Variants in PEX5L observed in about 807,000 individuals in gnomAD.
The protein encoded by PEX5L is peroxisomal biogenesis factor 5 like.
Under a neutral mutation model 84.0 loss-of-function variants are expected in PEX5L, and 30 were observed. The ratio of observed to expected loss-of-function variants is 0.36; its 90% confidence interval spans 0.27 to 0.48. The LOEUF (loss-of-function observed/expected upper bound fraction) is 0.48. PEX5L is among the 20% of genes least tolerant of loss of function. The pLI, the probability that PEX5L is intolerant of heterozygous loss-of-function variation, is 0.99. For missense variants in PEX5L, 533 were observed against 754.6 expected (o/e 0.71, Z 3.44); for synonymous variants, 270 against 283.1 (o/e 0.95, Z 0.46).
chr3:179,941,818 C>T (rs1480743170), intron 2 of PEX5L, among the ~76,000 whole-genome samples: 10 of 151,816 alleles, frequency 6.6e-5, no homozygotes, highest in African/African-American at 1.9e-4. Context: ...GTCAGGAGTT[C>T]GAGACCAGCC....
At chr3:179,909,695 G>A (rs1445401520) in intron 2 of PEX5L, among the ~76,000 whole-genome samples, 1 of 152,146 alleles carries the variant, frequency 6.6e-6, no homozygotes, top group African/African-American at 2.4e-5. Flanking sequence ...TTGGAAACAG[G>A]GTTGTTAAAG....
intron 1 of PEX5L, among the ~76,000 whole-genome samples, chr3:180,001,429 C>A (rs1438801741): frequency 1.3e-5 from 2 of 150,368 alleles, no homozygotes; most frequent in Non-Finnish European, 3.0e-5. Flanking sequence ...TATACACCCA[C>A]CGTCTCTCTG....
At chr3:179,928,181 A>G (rs1336850976) in intron 2 of PEX5L, among the ~76,000 whole-genome samples, 2 of 152,342 alleles carry the variant, frequency 1.3e-5, no homozygotes, top group African/African-American at 4.8e-5. Context: ...GAGTAAAACC[A>G]GTTTGCACGC....
intron 2 of PEX5L, among the ~76,000 whole-genome samples, chr3:179,957,652 G>T (rs1780915290): frequency 6.6e-6 from 1 of 152,204 alleles, no homozygotes; most frequent in South Asian, 2.1e-4. Flanking sequence ...ACAGAAAGCT[G>T]CTCAACAAAT....
At chr3:179,879,851 C>T (rs529007180) in intron 5 of PEX5L, 78 bp downstream of exon 5, 2 of 982,496 alleles carry the variant, frequency 2.0e-6, no homozygotes, top group African/African-American at 1.6e-5. Context: ...CTGTTTAATG[C>T]CATTGGTGGA....
chr3:179,906,197 A>C (rs924542995), intron 2 of PEX5L, among the ~76,000 whole-genome samples: 15 of 152,198 alleles, frequency 9.9e-5, no homozygotes, highest in Non-Finnish European at 1.8e-4. Context: ...TTTTGAGAGG[A>C]TTAAACATTC....
Position 179,797,829 on chromosome 3 carries a change from T to G in PEX5L, c.*3999A>C, listed in dbSNP as rs148559735. The G allele has an allele frequency of 6.6e-6, 1 of 152,056 alleles. No homozygotes were observed. The highest frequency in any genetic ancestry group is 6.6e-5 in the Admixed American group (1 of 15,264). The allele number at this position is 152,056 out of a possible 1,614,324, so 9.4% of individuals were successfully genotyped here. A position where few individuals can be genotyped will look rare whatever the true frequency, so the allele number is the denominator to read the frequency against. Reference sequence around the variant, plus strand: ...TGGCATATAAAGTAAGCCTTTAGAATACCCTGTTTCTAGAATGTTCTAGAA... The same window carrying G: ...TGGCATATAAAGTAAGCCTTTAGAAGACCCTGTTTCTAGAATGTTCTAGAA... On this transcript the variant is annotated 3_prime_UTR_variant, in exon 15 of 15. Transcript: ENST00000467460.
intron 14 of PEX5L, among the ~76,000 whole-genome samples, chr3:179,802,550 A>AAAGAAAAG (rs1553813981): frequency 9.1e-5 from 12 of 131,554 alleles, no homozygotes; most frequent in Non-Finnish European, 1.6e-4. Context: ...AAAAAAAAAA[A>AAAGAAAAG]AAAAGAAAAG....
chr3:179,979,475 C>T (rs1047437137), intron 1 of PEX5L, among the ~76,000 whole-genome samples: 1 of 152,142 alleles, frequency 6.6e-6, no homozygotes, highest in African/African-American at 2.4e-5. Context: ...CAGTCTTAAG[C>T]AGTCTGGGTG....
intron 2 of PEX5L, among the ~76,000 whole-genome samples, chr3:179,935,433 G>A (rs1275434078): frequency 6.6e-6 from 1 of 152,120 alleles, no homozygotes; most frequent in Admixed American, 6.5e-5. Context: ...ATATATTTCT[G>A]TTATTTATTT....
At position 179,801,993 on chromosome 3, in the gene PEX5L, T is replaced by C; in HGVS notation, c.1716A>G (p.Gln572=). Residue 572 remains glutamine, a synonymous_variant, in exon 15 of 15, where the codon CAA becomes CAG. Coordinates refer to ENST00000467460, the MANE Select transcript of PEX5L (RefSeq NM_016559.3). ...VSNFLTALSL[Q]RKSRNQQQVP... ...CTTGCTGCTGATTCCTGCTCTTTCT[T>C]TGCAAACTGAGGGCAGTGAGAAAAT... is the stretch of plus-strand genomic sequence containing the variant. 1.2e-6 allele frequency: 2 copies of C among 1,613,930 alleles called. No individual in the cohort carries two copies. Among genetic ancestry groups the C allele is most frequent in the Non-Finnish European group, 1.7e-6 (2 of 1,179,936 alleles).
intron 3 of PEX5L, among the ~76,000 whole-genome samples, chr3:179,889,249 G>A (rs963249773): frequency 2.0e-5 from 3 of 152,130 alleles, no homozygotes; most frequent in Non-Finnish European, 2.9e-5. Flanking sequence ...TAGAGCTGAT[G>A]GAAGGTGGCA....
chr3:179,986,046 T>C (rs902989696), intron 1 of PEX5L, among the ~76,000 whole-genome samples: 2 of 152,210 alleles, frequency 1.3e-5, no homozygotes, highest in Admixed American at 1.3e-4. Context: ...ATATTAACGG[T>C]ATTGATCTGG....
intron 1 of PEX5L, among the ~76,000 whole-genome samples, chr3:180,029,320 CTGTT>C (rs1403937498): frequency 1.3e-5 from 2 of 152,114 alleles, no homozygotes; most frequent in African/African-American, 4.8e-5. Context: ...TGAGCCACCT[CTGTT>C]TGTTTGTTCT....
intron 1 of PEX5L, among the ~76,000 whole-genome samples, chr3:179,986,769 T>C (rs113892399): frequency 5.3e-5 from 8 of 152,280 alleles, no homozygotes; most frequent in African/African-American, 1.9e-4. Context: ...AGAGCAAAAT[T>C]AGAACTTAAG....
intron 8 of PEX5L, among the ~76,000 whole-genome samples, chr3:179,835,361 G>A (rs1734567202): frequency 6.8e-6 from 1 of 146,572 alleles, no homozygotes; most frequent in Admixed American, 6.7e-5. Context: ...TATTGTTGTT[G>A]CTTTTTTTTT....
intron 9 of PEX5L, 137 bp from the exon 10 acceptor site, chr3:179,816,141 T>C: frequency 1.3e-6 from 1 of 760,758 alleles, no homozygotes; most frequent in Non-Finnish European, 2.1e-6. Flanking sequence ...TTTTACACTG[T>C]TGGTGGGAGT....
intron 2 of PEX5L, among the ~76,000 whole-genome samples, chr3:179,912,537 A>C (rs1765547082): frequency 6.6e-6 from 1 of 152,098 alleles, no homozygotes; most frequent in South Asian, 2.1e-4. Context: ...ATTTAAATTA[A>C]ACTTTTAAAA....
At chr3:179,975,734 C>A (rs1785703469) in intron 1 of PEX5L, among the ~76,000 whole-genome samples, 1 of 152,186 alleles carries the variant, frequency 6.6e-6, no homozygotes, top group African/African-American at 2.4e-5. Flanking sequence ...CTATCTTCAG[C>A]CTTTTCTCTA....
Sources: gnomAD v4.1 joint callset for allele counts (sites outside exome capture counted in the v4.1 genomes callset) on GRCh38, gnomAD v4.1.1 for gene constraint, MANE v1.5 for transcripts, NCBI Gene and HGNC (gene_info 2026-07-23, HGNC 2026-07-21) for gene names.